ZNF606: variants seen among roughly 807,000 people sequenced by gnomAD.
ZNF606 encodes zinc finger protein 606, also known as zinc finger protein 328.
A neutral mutation model predicts 74.9 loss-of-function variants in ZNF606; 37 were observed. That is an observed-to-expected ratio of 0.49 (90% CI 0.38 to 0.65). The LOEUF is 0.65. Among genes scored for constraint, ZNF606 ranks in the 30% least tolerant of loss-of-function variants. The pLI is 0.00. For synonymous variants in ZNF606, 328 were observed against 312.4 expected (o/e 1.05, Z -0.53); for missense variants, 852 against 952.9 (o/e 0.89, Z 1.39).
At chr19:57,998,452 A>C (rs534750999) in intron 4 of ZNF606, 2 of 152,362 alleles carry the variant, frequency 1.3e-5, no homozygotes, top group Admixed American at 1.3e-4. Flanking sequence ...AAGTGAAAAA[A>C]GCCAGACAAA....
chr19:58,000,845 A>C, intron 2 of ZNF606, 106 bp from the exon 3 acceptor site: 3 of 1,094,846 alleles, frequency 2.7e-6, no homozygotes, highest in Non-Finnish European at 3.9e-6. Flanking sequence ...AAATTCCATA[A>C]ACAGAGCCCA....
At chr19:57,997,123 C>T (rs901614705) in intron 4 of ZNF606, among the ~76,000 whole-genome samples, 18 of 152,244 alleles carry the variant, frequency 1.2e-4, no homozygotes, top group Admixed American at 5.9e-4. Flanking sequence ...TCAAGTCTGA[C>T]CAAGCATGGG....
At chr19:57,984,282 A>C (rs1359433319) in intron 6 of ZNF606, among the ~76,000 whole-genome samples, 2 of 152,236 alleles carry the variant, frequency 1.3e-5, no homozygotes, top group Admixed American at 6.5e-5. Flanking sequence ...GGCTGTGATC[A>C]AGGAGACAGG....
At chr19:57,996,183 A>G (rs972970311) in intron 4 of ZNF606, among the ~76,000 whole-genome samples, 2 of 152,232 alleles carry the variant, frequency 1.3e-5, no homozygotes, top group African/African-American at 2.4e-5. Flanking sequence ...GTCTGGGCCC[A>G]CAAATCATGG....
chr19:58,000,827 G>A, intron 2 of ZNF606, 88 bp from the exon 3 acceptor site: 1 of 1,292,818 alleles, frequency 7.7e-7, no homozygotes. Flanking sequence ...TCGCTAATGG[G>A]CACTACAAAA....
rs1041325768 is a variant in ZNF606 at position 57,980,057 on chromosome 19, C to T, written c.623G>A (p.Arg208Lys). 1 of 1,613,702 alleles carries T rather than the reference C, an allele frequency of 6.2e-7. No homozygotes were observed. Among genetic ancestry groups the T allele is most frequent in the Non-Finnish European group, 8.5e-7 (1 of 1,180,036 alleles). The change falls in exon 7 of 7, where the codon AGA becomes AAA. Residue 208 changes from arginine (R) to lysine (K), a missense_variant. Physicochemically the swap from Arg to Lys is conservative, Grantham distance 26. Coordinates refer to ENST00000551380, the MANE Select transcript of ZNF606 (RefSeq NM_001348022.3). The stretch of plus-strand genomic sequence containing the variant: ...CCCAAGTCCACAGAATTCAGAGCTT[C>T]TCTGGGATAGTACTTGCTTTTGCAT... ...VFMQKQVLSQ[R>K]SSEFCGLGAE...
intron 4 of ZNF606, among the ~76,000 whole-genome samples, chr19:57,994,392 C>A (rs73937090): frequency 0.014 from 2,173 of 152,224 alleles, 62 homozygotes; most frequent in African/African-American, 0.048. Flanking sequence ...GGAATTATTA[C>A]TTTTTAAATA....
chr19:58,000,604 C>G (rs1310289198), intron 3 of ZNF606, 79 bp downstream of exon 3: 1 of 1,483,900 alleles, frequency 6.7e-7, no homozygotes, highest in East Asian at 2.3e-5. Context: ...GGTCCCCATT[C>G]TATTCCCCAG....
In ZNF606 at chr19:57,988,314, G is replaced by A. The variant is rs1353186927; in HGVS notation, c.305-12C>T. The A allele has an allele frequency of 2.5e-6, 4 of 1,609,608 alleles. No homozygotes were observed. The highest frequency in any genetic ancestry group is 3.4e-6 in the Non-Finnish European group (4 of 1,177,222). ...GGCAATCTGATTTCCTATGCATGGA[G>A]GAAAAGCATGGAAATCATGTCATGA... On this transcript the variant is annotated splice_polypyrimidine_tract_variant and intron_variant, in intron 5 of 6. Transcript: ENST00000551380.
intron 6 of ZNF606, 79 bp downstream of exon 6, chr19:57,988,128 C>T: frequency 9.3e-7 from 1 of 1,073,000 alleles, no homozygotes; most frequent in Non-Finnish European, 1.3e-6. Flanking sequence ...AGGAAGGTAA[C>T]TCTTCATGGC....
chr19:57,994,906 G>A (rs748221054), intron 4 of ZNF606, among the ~76,000 whole-genome samples: 1 of 152,062 alleles, frequency 6.6e-6, no homozygotes, highest in African/African-American at 2.4e-5. Flanking sequence ...ATACCTAGCC[G>A]GGCATGGTGG....
Position 57,979,397 on chromosome 19 carries a change from T to C in ZNF606, c.1283A>G (p.Tyr428Cys), listed in dbSNP as rs1196685006. The stretch of plus-strand genomic sequence containing the variant: ...AACTTTTCCACATTTATCACATTCA[T>C]AGGGTTTTTCTCCAGTATGAGTTTT... ...HKKTHTGEKP[Y>C]ECDKCGKVFR... is the part of the protein sequence containing the mutation. The change falls in exon 7 of 7, where the codon TAT becomes TGT. Residue 428 changes from tyrosine (Y) to cysteine (C), a missense_variant. By Grantham distance (194) the Tyr-to-Cys change is radical (BLOSUM62 -2). This residue lies in a region of ZNF606 where 545 missense variants were observed against 542.5 expected (regional missense o/e 1.00). Transcript: ENST00000551380. 2.5e-6 allele frequency: 4 copies of C among 1,613,698 alleles called. No individual in the cohort carries two copies. Among genetic ancestry groups the C allele is most frequent in the Non-Finnish European group, 2.5e-6 (3 of 1,179,874 alleles).
chr19:57,985,822 T>C (rs1486621711), intron 6 of ZNF606, among the ~76,000 whole-genome samples: 2 of 151,016 alleles, frequency 1.3e-5, no homozygotes, highest in Non-Finnish European at 2.9e-5. Context: ...TAATCCTAGC[T>C]ACACAGGAGG....
chr19:57,979,733 A>G lies in ZNF606; in HGVS notation c.947T>C (p.Leu316Pro), dbSNP rs1261736336. ...TTGATGGCATTCCTTATATTCATAG[A>G]GTTTTTCTCCTGTGTGAATTCCTTT... ...DHKGIHTGEK[L>P]YEYKECHQIF... Residue 316 changes from leucine (L) to proline (P), a missense_variant, in exon 7 of 7, where the codon CTC (leucine) becomes CCC (proline). Physicochemically the swap from Leu to Pro is moderately conservative, Grantham distance 98 (BLOSUM62 -3). This residue lies in a region of ZNF606 where 545 missense variants were observed against 542.5 expected (regional missense o/e 1.00). Coordinates refer to ENST00000551380, the MANE Select transcript of ZNF606 (RefSeq NM_001348022.3). The G allele has an allele frequency of 1.9e-6, 3 of 1,613,352 alleles. No homozygotes were observed. The South Asian group carries it at 3.3e-5, about 18-fold the overall frequency.
At position 58,001,334 on chromosome 19, in the gene ZNF606, G is replaced by A; in HGVS notation, c.-15C>T. 6.2e-7 allele frequency: 1 copy of A among 1,614,102 alleles called. No individual in the cohort carries two copies. Among genetic ancestry groups the A allele is most frequent in the Non-Finnish European group, 8.5e-7 (1 of 1,180,022 alleles). ...ATGGCTGCCATCCCGAGGACTGATT[G>A]ACCAGGCACCTGCCCAGGAACACAG... On this transcript the variant is annotated 5_prime_UTR_variant, in exon 2 of 7. Coordinates refer to ENST00000551380, the MANE Select transcript of ZNF606 (RefSeq NM_001348022.3).
At chr19:57,990,287 C>T (rs1467942366) in intron 4 of ZNF606, among the ~76,000 whole-genome samples, 1 of 151,438 alleles carries the variant, frequency 6.6e-6, no homozygotes, top group Non-Finnish European at 1.5e-5. Context: ...ATGGCGTGAA[C>T]CCAGGAGGCG....
intron 3 of ZNF606, chr19:58,000,168 C>A: frequency 2.0e-6 from 1 of 508,912 alleles, no homozygotes; most frequent in Non-Finnish European, 3.5e-6. Context: ...CCCTAAACGG[C>A]CACACATGAA....
Position 57,987,508 on chromosome 19 carries a change from G to A in ZNF606, c.400+699C>T, listed in dbSNP as rs371792833. ...ATATTTTAAAAATCTATTTTGTTTG[G>A]TACCCACAAGATCTAAGTAAGAAAG... On this transcript the variant is annotated intron_variant, in intron 6 of 6. Coordinates refer to ENST00000551380, the MANE Select transcript of ZNF606 (RefSeq NM_001348022.3). Among the ~76,000 whole-genome samples the A allele has an allele frequency of 2.1e-4, 32 of 151,962 alleles. No homozygotes were observed. In the East Asian group the frequency reaches 5.6e-3, roughly 27 times the overall value.
chr19:58,000,580 C>T, intron 3 of ZNF606, 103 bp downstream of exon 3: 1 of 1,298,988 alleles, frequency 7.7e-7, no homozygotes, highest in South Asian at 1.2e-5. Flanking sequence ...ACCACCTGCC[C>T]TAAAGCCCCA....
Sources: allele counts gnomAD v4.1 joint callset (sites outside exome capture counted in the v4.1 genomes callset), GRCh38; gene constraint gnomAD v4.1.1; regional missense constraint gnomAD v4.1.1; transcripts MANE v1.5; gene names NCBI Gene and HGNC (gene_info 2026-07-23, HGNC 2026-07-21).